SNAPIN: variants seen among roughly 807,000 people sequenced by gnomAD.
SNAPIN encodes the protein SNAP associated protein.
SNAPIN carries 16 observed loss-of-function variants against 15.9 expected under a neutral mutation model. The observed-to-expected ratio is 1.01, with a 90% CI of 0.68 to 1.53. SNAPIN has a LOEUF of 1.53. Ranked by LOEUF, SNAPIN falls within the 40% of genes most tolerant of loss-of-function variation. The probability of loss-of-function intolerance (pLI) is 0.00; values close to 1 mark genes in which losing one functional copy is unlikely to be tolerated. For synonymous variants in SNAPIN, 83 were observed against 76.2 expected, an observed-to-expected ratio of 1.09 and a Z score of -0.46; for missense variants, 186 against 180.1, an observed-to-expected ratio of 1.03 and a Z score of -0.19.
rs1669073721 is a variant in SNAPIN, at chr1:153,658,787, C to T, written c.44C>T (p.Pro15Leu). The T allele has an allele frequency of 6.3e-7, 1 of 1,584,926 alleles. No individual in the cohort carries two copies. Among genetic ancestry groups the T allele is most frequent in the Non-Finnish European group, 8.5e-7 (1 of 1,171,458 alleles). ...GCCGCTGTATCGGGGGCAGGGACCC[C>T]GGTGGCGGGGCCCACAGGCCGCGAC... ...GSAAVSGAGT[P>L]VAGPTGRDLF... Residue 15 changes from proline to leucine, a missense_variant, in exon 1 of 4, where the codon CCG (proline) becomes CTG (leucine). Transcript: ENST00000368685.
At chr1:153,659,252 C>A in intron 2 of SNAPIN, 68 bp downstream of exon 2, 1 of 1,539,826 alleles carries the variant, frequency 6.5e-7, no homozygotes, top group South Asian at 1.1e-5. Flanking sequence ...TTTTGCCAAC[C>A]CCTGGGCTGA....
At chr1:153,659,069 T>G (rs984507169) in intron 1 of SNAPIN, 69 bp from the exon 2 acceptor site, 1 of 1,582,442 alleles carries the variant, frequency 6.3e-7, no homozygotes, top group African/African-American at 1.3e-5. Flanking sequence ...ACTTGGTAAA[T>G]ACGTAGGGGA....
chr1:153,659,083 C>G (rs1476676375), intron 1 of SNAPIN, 55 bp from the exon 2 acceptor site: 34 of 1,596,966 alleles, frequency 2.1e-5, no homozygotes, highest in Non-Finnish European at 2.7e-5. Context: ...TAGGGGAGTT[C>G]GTTTCCTGAG....
Position 153,658,837 on chromosome 1 carries a change from T to G in SNAPIN, c.94T>G (p.Phe32Val). The G allele has an allele frequency of 6.2e-7, 1 of 1,600,454 alleles. No homozygotes were observed. The highest frequency in any genetic ancestry group is 8.5e-7 in the Non-Finnish European group (1 of 1,176,700). ...RDLFAEGLLE[F>V]LRPAVQQLDS... ...CCTTTTCGCCGAAGGGCTGCTGGAG[T>G]TCCTGCGACCCGCTGTGCAGCAGCT... The change falls in exon 1 of 4, where the codon TTC becomes GTC. Residue 32 changes from phenylalanine (F) to valine (V), a missense_variant. Physicochemically the swap from Phe to Val is conservative, Grantham distance 50 (BLOSUM62 -1). Transcript: ENST00000368685.
chr1:153,658,892 CG>C lies in SNAPIN; in HGVS notation c.143+9del, dbSNP rs1451350371. On this transcript the variant is annotated splice_region_variant and intron_variant, in intron 1 of 3. Coordinates refer to ENST00000368685, the MANE Select transcript of SNAPIN (RefSeq NM_012437.6). Reference sequence around the variant, plus strand: ...TCTCACGTACACGCCGTCAGGTGCCCGGGAGGGAAGTTGGGGGCGGGGCCTG... The same window carrying C: ...TCTCACGTACACGCCGTCAGGTGCCCGGAGGGAAGTTGGGGGCGGGGCCTG... 1 of 1,609,460 alleles carries C rather than the reference CG, an allele frequency of 6.2e-7. No homozygotes were observed. Among genetic ancestry groups the C allele is most frequent in the Non-Finnish European group, 8.5e-7 (1 of 1,179,202 alleles).
At chr1:153,658,969 G>A (rs992653054) in intron 1 of SNAPIN, 83 bp downstream of exon 1, 4 of 1,595,306 alleles carry the variant, frequency 2.5e-6, no homozygotes, top group Non-Finnish European at 3.4e-6. Context: ...GGCTGGGAGT[G>A]GGCATAAATT....
chr1:153,659,574 A>C lies in SNAPIN; in HGVS notation c.309+8A>C, dbSNP rs758827828. 1 of 1,580,200 alleles carries C rather than the reference A, an allele frequency of 6.3e-7. No homozygotes were observed. The highest frequency in any genetic ancestry group is 8.7e-7 in the Non-Finnish European group (1 of 1,149,082). Reference sequence around the variant, plus strand: ...ATTCTACAGAATGCTCAGGTAAAAGAATATCTTACCAACAGTGATTCTTTG... The same window carrying C: ...ATTCTACAGAATGCTCAGGTAAAAGCATATCTTACCAACAGTGATTCTTTG... On this transcript the variant is annotated splice_region_variant and intron_variant, in intron 3 of 3. Transcript: ENST00000368685.
chr1:153,659,115 G>C (rs201452791), intron 1 of SNAPIN, 23 bp from the exon 2 acceptor site: 140 of 1,613,676 alleles, frequency 8.7e-5, no homozygotes, highest in Middle Eastern at 4.9e-4. Flanking sequence ...GCCTGACCTT[G>C]TAGGCCTTGT....
chr1:153,659,247 C>T, intron 2 of SNAPIN, 63 bp downstream of exon 2: 2 of 1,559,962 alleles, frequency 1.3e-6, no homozygotes, highest in South Asian at 1.1e-5. Context: ...TAGGTTTTTG[C>T]CAACCCCTGG....
Position 153,661,206 on chromosome 1 carries a change from C to A in SNAPIN, c.316C>A (p.Leu106Met). The change falls in exon 4 of 4, where the codon CTG (leucine) becomes ATG (methionine). Residue 106 changes from leucine (L) to methionine (M), a missense_variant. Leu to Met is a conservative substitution (Grantham distance 15). Transcript: ENST00000368685. ...AACCTTCCTTGTCTTGTAGGAACGA[C>A]TGAGACGGCTAAACCACAGTGTTGC... ...NNILQNAQER[L>M]RRLNHSVAKE... The A allele has an allele frequency of 6.2e-7, 1 of 1,613,542 alleles. No individual in the cohort carries two copies. Among genetic ancestry groups the A allele is most frequent in the South Asian group, 1.1e-5 (1 of 91,076 alleles).
upstream of SNAPIN, chr1:153,658,662 C>G (rs1669069500): frequency 7.1e-7 from 1 of 1,414,036 alleles, no homozygotes; most frequent in African/African-American, 1.5e-5. Context: ...CCCGGGCGCC[C>G]CCTCACGGGG....
chr1:153,660,475 C>G (rs1380710429), intron 3 of SNAPIN, among the ~76,000 whole-genome samples: 3 of 151,518 alleles, frequency 2.0e-5, no homozygotes, highest in Non-Finnish European at 4.4e-5. Context: ...ATAGAGAAAC[C>G]CCGTCTCTAC....
Position 153,658,815 on chromosome 1 carries a change from T to C in SNAPIN, c.72T>C (p.Leu24=). Residue 24 remains leucine, a synonymous_variant, in exon 1 of 4, where the codon CTT becomes CTC. Coordinates refer to ENST00000368685, the MANE Select transcript of SNAPIN (RefSeq NM_012437.6). ...TPVAGPTGRD[L]FAEGLLEFLR... ...TGGCGGGGCCCACAGGCCGCGACCTTTTCGCCGAAGGGCTGCTGGAGTTCC... is the reference window on the plus strand; with the variant it reads ...TGGCGGGGCCCACAGGCCGCGACCTCTTCGCCGAAGGGCTGCTGGAGTTCC... The C allele has an allele frequency of 6.3e-7, 1 of 1,595,206 alleles. No homozygotes were observed. Among genetic ancestry groups the C allele is most frequent in the African/African-American group, 1.4e-5 (1 of 73,696 alleles).
Position 153,661,193 on chromosome 1 carries a change from C to G in SNAPIN, c.310-7C>G. 1.2e-6 allele frequency: 2 copies of G among 1,612,376 alleles called. No individual in the cohort carries two copies. The highest frequency in any genetic ancestry group is 1.7e-6 in the Non-Finnish European group (2 of 1,178,656). On this transcript the variant is annotated splice_region_variant and splice_polypyrimidine_tract_variant and intron_variant, in intron 3 of 3. Transcript: ENST00000368685. ...GGTTAAGATTCCAAACCTTCCTTGT[C>G]TTGTAGGAACGACTGAGACGGCTAA...
intron 3 of SNAPIN, among the ~76,000 whole-genome samples, chr1:153,660,153 GCTGGGA>G (rs1195985898): frequency 2.0e-5 from 3 of 151,986 alleles, no homozygotes; most frequent in Non-Finnish European, 4.4e-5. Context: ...CTCCCAAGTA[GCTGGGA>G]CTACAGGCAT....
rs190811659 is a variant in SNAPIN at position 153,661,175 on chromosome 1, A to T, written c.310-25A>T. 3.4e-4 allele frequency: 541 copies of T among 1,604,192 alleles called. 8 individuals carry two copies. In the Admixed American group the frequency reaches 8.4e-3, roughly 25 times the overall value. On this transcript the variant is annotated intron_variant, in intron 3 of 3. Transcript: ENST00000368685. ...TCTCAAGCCTTTCACAGTGGTTAAG[A>T]TTCCAAACCTTCCTTGTCTTGTAGG...
rs1195426652 is a variant in SNAPIN at position 153,661,378 on chromosome 1, GGA to G, written c.*80_*81del. 1 of 1,108,696 alleles carries G rather than the reference GGA, an allele frequency of 9.0e-7. No individual in the cohort carries two copies. The highest frequency in any genetic ancestry group is 1.4e-6 in the Non-Finnish European group (1 of 737,710). The allele number at this position is 1,108,696 out of a possible 1,614,324, so 68.7% of individuals were successfully genotyped here. A position where few individuals can be genotyped will look rare whatever the true frequency, so the allele number is the denominator to read the frequency against. On this transcript the variant is annotated 3_prime_UTR_variant, in exon 4 of 4. Transcript: ENST00000368685. ...TTTCAACAGACATGCAAAGATCCTA[GGA>G]GACAGTCCCCATAGACCTTCAGACA...
chr1:153,660,356 A>T (rs934132969), intron 3 of SNAPIN, among the ~76,000 whole-genome samples: 39 of 151,136 alleles, frequency 2.6e-4, no homozygotes, highest in Non-Finnish European at 5.5e-4. Context: ...TTTAAATAAA[A>T]AGACAGGATC....
At chr1:153,659,637 G>GT in intron 3 of SNAPIN, 71 bp downstream of exon 3, 1 of 1,069,996 alleles carries the variant, frequency 9.3e-7, no homozygotes, top group Non-Finnish European at 1.4e-6. Flanking sequence ...GAAAGCCACT[G>GT]TAATTTTAAA....
Sources: allele counts gnomAD v4.1 joint callset (sites outside exome capture counted in the v4.1 genomes callset), GRCh38; gene constraint gnomAD v4.1.1; transcripts MANE v1.5; gene names NCBI Gene and HGNC (gene_info 2026-07-23, HGNC 2026-07-21).